The following CDH20 variants were observed in gnomAD, a reference collection of about 807,000 sequenced individuals.
CDH20 encodes cadherin 20.
In CDH20, 29 loss-of-function variants were observed where a neutral mutation model predicts 74.2. The ratio of observed to expected loss-of-function variants is 0.39; its 90% CI spans 0.29 to 0.53. The LOEUF (loss-of-function observed/expected upper bound fraction) is 0.53. Ranked by LOEUF, CDH20 falls within the 20% of genes least tolerant of loss-of-function variation. The pLI is 0.69. For missense variants in CDH20, 988 were observed against 1,048.3 expected (o/e 0.94, Z 0.79); for synonymous variants, 469 against 405.4 (o/e 1.16, Z -1.88).
chr18:61,423,026 TA>T (rs1407760859), intron 1 of CDH20, among the ~76,000 whole-genome samples: 3 of 152,210 alleles, frequency 2.0e-5, no homozygotes, highest in Non-Finnish European at 4.4e-5. Context: ...AGCTACTAAA[TA>T]AAAATACAAC....
chr18:61,420,357 CT>C (rs60607711), intron 1 of CDH20, among the ~76,000 whole-genome samples: 77,816 of 135,094 alleles, frequency 0.58, 21,491 homozygotes, highest in Non-Finnish European at 0.58. Context: ...TCTTCACAGG[CT>C]TTTTTTTTTT....
intron 1 of CDH20, among the ~76,000 whole-genome samples, chr18:61,461,890 G>A (rs997517635): frequency 1.3e-5 from 2 of 152,278 alleles, no homozygotes; most frequent in South Asian, 2.1e-4. Flanking sequence ...CTATGCGAAC[G>A]TCTGATTGGT....
chr18:61,513,686 G>C (rs530992462), intron 6 of CDH20, among the ~76,000 whole-genome samples: 2 of 152,290 alleles, frequency 1.3e-5, no homozygotes, highest in South Asian at 4.1e-4. Flanking sequence ...CTCTTTTAGG[G>C]CAGGCCTGGT....
intron 7 of CDH20, among the ~76,000 whole-genome samples, chr18:61,529,109 G>A (rs907911375): frequency 6.6e-6 from 1 of 152,190 alleles, no homozygotes; most frequent in African/African-American, 2.4e-5. Context: ...TGATGGACAG[G>A]TTGACACCAC....
At chr18:61,398,235 T>C (rs1392263903) in intron 1 of CDH20, among the ~76,000 whole-genome samples, 3 of 152,238 alleles carry the variant, frequency 2.0e-5, no homozygotes, top group Non-Finnish European at 1.5e-5. Context: ...ACATAGTACA[T>C]GTCTTATTTA....
intron 1 of CDH20, among the ~76,000 whole-genome samples, chr18:61,432,671 G>A (rs901426558): frequency 2.0e-5 from 3 of 152,184 alleles, no homozygotes; most frequent in African/African-American, 7.2e-5. Context: ...GCCACCCCTA[G>A]GGGAAGGGGT....
At chr18:61,528,337 T>C (rs1029852996) in intron 7 of CDH20, 117 bp downstream of exon 7, 1 of 1,055,394 alleles carries the variant, frequency 9.5e-7, no homozygotes, top group Non-Finnish European at 1.4e-6. Context: ...CTGGAGACTC[T>C]CCTCTTTGAG....
chr18:61,518,884 G>C lies in CDH20; in HGVS notation c.1018-9083G>C, dbSNP rs140566189. Among the ~76,000 whole-genome samples the C allele has an allele frequency of 4.1e-3, 619 of 151,360 alleles. 37 individuals are homozygous for C. The highest frequency in any genetic ancestry group is 0.015 in the African/African-American group (592 of 40,774). Reference sequence around the variant, plus strand: ...AGCTAAGAACCTTGAAAAAACATTAGAGGAATTGCTAACTAGAATAACCAG... The same window carrying C: ...AGCTAAGAACCTTGAAAAAACATTACAGGAATTGCTAACTAGAATAACCAG... On this transcript the variant is annotated intron_variant, in intron 6 of 11. Coordinates refer to ENST00000262717, the MANE Select transcript of CDH20 (RefSeq NM_031891.4).
At chr18:61,480,899 CTT>C (rs1002276180) in intron 1 of CDH20, among the ~76,000 whole-genome samples, 2 of 152,196 alleles carry the variant, frequency 1.3e-5, no homozygotes, top group Non-Finnish European at 1.5e-5. Flanking sequence ...GCTTTCTTGA[CTT>C]TTGTTGACTT....
chr18:61,524,571 T>A (rs897120720), intron 6 of CDH20, among the ~76,000 whole-genome samples: 3 of 152,046 alleles, frequency 2.0e-5, no homozygotes, highest in Non-Finnish European at 4.4e-5. Flanking sequence ...GAAGAATGGA[T>A]AAATCAACTG....
intron 1 of CDH20, among the ~76,000 whole-genome samples, chr18:61,349,342 T>G (rs140466219): frequency 3.3e-4 from 50 of 152,340 alleles, no homozygotes; most frequent in Admixed American, 1.2e-3. Context: ...TGTTAGCAGT[T>G]TGAAATTCTA....
At chr18:61,407,900 G>T (rs779610932) in intron 1 of CDH20, among the ~76,000 whole-genome samples, 15 of 152,146 alleles carry the variant, frequency 9.9e-5, no homozygotes, top group Non-Finnish European at 1.0e-4. Flanking sequence ...AAACTTTAGT[G>T]GAAAAACTGG....
intron 1 of CDH20, among the ~76,000 whole-genome samples, chr18:61,359,846 G>A (rs1281619018): frequency 6.6e-6 from 1 of 152,198 alleles, no homozygotes; most frequent in African/African-American, 2.4e-5. Context: ...AGCCTATACT[G>A]TGTGGTAGGT....
intron 8 of CDH20, among the ~76,000 whole-genome samples, chr18:61,538,625 G>GTTGTT (rs1912912854): frequency 1.9e-5 from 1 of 53,758 alleles, no homozygotes; most frequent in African/African-American, 5.5e-5. Flanking sequence ...TTTTTGTTTT[G>GTTGTT]TTTTTTTTTT....
chr18:61,498,832 T>A (rs1411637594), intron 2 of CDH20, among the ~76,000 whole-genome samples: 1 of 152,246 alleles, frequency 6.6e-6, no homozygotes, highest in Non-Finnish European at 1.5e-5. Flanking sequence ...TTTATTTTTC[T>A]TAAGTGGAAA....
intron 7 of CDH20, among the ~76,000 whole-genome samples, chr18:61,528,599 C>T (rs758261029): frequency 1.8e-4 from 28 of 152,026 alleles, no homozygotes; most frequent in African/African-American, 5.6e-4. Flanking sequence ...CCTTTACGCA[C>T]GAAATGCAGT....
intron 1 of CDH20, among the ~76,000 whole-genome samples, chr18:61,358,399 C>T (rs553274310): frequency 1.2e-4 from 18 of 152,210 alleles, no homozygotes; most frequent in Admixed American, 3.3e-4. Flanking sequence ...GGATTACAGG[C>T]GTGAGCCACA....
At chr18:61,475,358 G>A (rs1056483359) in intron 1 of CDH20, among the ~76,000 whole-genome samples, 1 of 152,134 alleles carries the variant, frequency 6.6e-6, no homozygotes, top group African/African-American at 2.4e-5. Context: ...GCCAATCTTT[G>A]GGCTAGAATA....
intron 2 of CDH20, among the ~76,000 whole-genome samples, chr18:61,491,118 T>G (rs682912): frequency 1 from 151,945 of 152,312 alleles, 75,791 homozygotes; most frequent in Non-Finnish European, 1. Flanking sequence ...ACAGAATGGG[T>G]GAGAGGGAAA....
Sources: gnomAD v4.1 joint callset for allele counts (sites outside exome capture counted in the v4.1 genomes callset) on GRCh38, gnomAD v4.1.1 for gene constraint, MANE v1.5 for transcripts, NCBI Gene and HGNC (gene_info 2026-07-23, HGNC 2026-07-21) for gene names.